OPHN1: variants seen among roughly 807,000 people sequenced by gnomAD.
The protein encoded by OPHN1 is oligophrenin-1.
In OPHN1, 11 loss-of-function variants were observed where a neutral mutation model predicts 60.7. The ratio of observed to expected loss-of-function variants is 0.18; its 90% CI spans 0.11 to 0.30. The LOEUF is 0.30. Ranked by LOEUF, OPHN1 falls within the 10% of genes least tolerant of loss-of-function variation. The probability of loss-of-function intolerance (pLI) is 1.00; values close to 1 mark genes in which losing one functional copy is unlikely to be tolerated. For missense variants in OPHN1, 449 were observed against 611.0 expected (o/e 0.73, Z 2.80); for synonymous variants, 226 against 222.6 (o/e 1.02, Z -0.14).
intron 10 of OPHN1, 29 bp from the exon 11 acceptor site, chrX:68,201,739 T>G (rs766572514): frequency 8.8e-7 from 1 of 1,140,775 alleles, no homozygotes; most frequent in Non-Finnish European, 1.2e-6. Flanking sequence ...TAACAGGCAA[T>G]TTTTAAAAAA....
chrX:68,358,136 A>G (rs1054676424), intron 2 of OPHN1, among the ~76,000 whole-genome samples: 2 of 107,306 alleles, frequency 1.9e-5, no homozygotes, highest in Non-Finnish European at 3.8e-5. Flanking sequence ...ACTAAAAAAA[A>G]AAAAATAATA....
intron 2 of OPHN1, among the ~76,000 whole-genome samples, chrX:68,419,610 G>T (rs1174640821): frequency 3.0e-5 from 3 of 100,520 alleles, no homozygotes; most frequent in Non-Finnish European, 6.0e-5. Flanking sequence ...GTGTGATCAC[G>T]GCTCACTGCA....
intron 15 of OPHN1, among the ~76,000 whole-genome samples, chrX:68,157,874 C>A (rs1448449985): frequency 1.8e-5 from 2 of 112,310 alleles, no homozygotes; most frequent in Non-Finnish European, 3.8e-5. Context: ...AAATATATGA[C>A]AAAATACATT....
intron 15 of OPHN1, among the ~76,000 whole-genome samples, chrX:68,145,020 C>T (rs1465177596): frequency 1.8e-5 from 2 of 111,228 alleles, no homozygotes; most frequent in South Asian, 3.8e-4. Flanking sequence ...TAGGACAGTA[C>T]TGAGGAAAGT....
intron 21 of OPHN1, among the ~76,000 whole-genome samples, chrX:68,057,366 C>A (rs1009175859): frequency 3.5e-4 from 39 of 111,467 alleles, no homozygotes; most frequent in Admixed American, 3.5e-3. Flanking sequence ...TCACTGCACC[C>A]CACAGAGTAG....
At chrX:68,071,640 G>A (rs141802570) in intron 20 of OPHN1, 5,647 of 555,571 alleles carry the variant, frequency 0.01, 27 homozygotes, top group Non-Finnish European at 0.015. Context: ...GCTTAAGACA[G>A]TAGCCTTAAT....
At position 68,098,202 on chromosome X, in the gene OPHN1, C is replaced by T. The variant is rs1299059325; in HGVS notation, c.1527-1173G>A. ...GGAGACCAGAGCCCACTGTGCTCATCTTAACTAAAACCACTGGCAAGCAGA... is the reference window on the plus strand; with the variant it reads ...GGAGACCAGAGCCCACTGTGCTCATTTTAACTAAAACCACTGGCAAGCAGA... On this transcript the variant is annotated intron_variant, in intron 18 of 24. Coordinates refer to ENST00000355520, the MANE Select transcript of OPHN1 (RefSeq NM_002547.3). Among the ~76,000 whole-genome samples, 3 of 111,481 alleles carry T rather than the reference C, an allele frequency of 2.7e-5. No individual in the cohort carries two copies. The Admixed American group carries it at 2.9e-4, about 11-fold the overall frequency.
intron 2 of OPHN1, among the ~76,000 whole-genome samples, chrX:68,407,387 T>G (rs903562752): frequency 9.0e-6 from 1 of 111,400 alleles, no homozygotes; most frequent in African/African-American, 3.3e-5. Context: ...TTTACAGAAT[T>G]GTTCCAAAAC....
chrX:68,412,332 G>T (rs2078773272), intron 2 of OPHN1, among the ~76,000 whole-genome samples: 1 of 111,905 alleles, frequency 8.9e-6, no homozygotes, highest in Non-Finnish European at 1.9e-5. Context: ...TCCTTCAGAT[G>T]AACCTTAAGA....
chrX:68,180,382 C>T (rs186030806), intron 15 of OPHN1, among the ~76,000 whole-genome samples: 39 of 111,082 alleles, frequency 3.5e-4, no homozygotes, highest in Admixed American at 4.8e-4. Context: ...TTATTAAAAT[C>T]GTTATTTTTA....
At chrX:68,405,380 G>A (rs775827624) in intron 2 of OPHN1, among the ~76,000 whole-genome samples, 25 of 111,494 alleles carry the variant, frequency 2.2e-4, no homozygotes, top group African/African-American at 6.8e-4. Flanking sequence ...TTTTAGAGCG[G>A]AGGTCTCACT....
At chrX:68,350,667 C>CCACCA (rs1467852154) in intron 2 of OPHN1, among the ~76,000 whole-genome samples, 1 of 108,001 alleles carries the variant, frequency 9.3e-6, no homozygotes, top group African/African-American at 3.4e-5. Flanking sequence ...CAGGCACATG[C>CCACCA]CACCACACTT....
chrX:68,303,344 TATAAA>T (rs1330703789), intron 2 of OPHN1, among the ~76,000 whole-genome samples: 1 of 111,703 alleles, frequency 9.0e-6, no homozygotes, highest in East Asian at 2.8e-4. Flanking sequence ...TTCATCAATA[TATAAA>T]TGAGTAAAGA....
At chrX:68,383,988 G>A (rs1057104181) in intron 2 of OPHN1, among the ~76,000 whole-genome samples, 2 of 111,272 alleles carry the variant, frequency 1.8e-5, no homozygotes, top group Admixed American at 9.6e-5. Flanking sequence ...CTAAATAAAC[G>A]GAAAGTGGGG....
chrX:68,090,242 C>CTCTGTGTG (rs754996747), intron 19 of OPHN1, among the ~76,000 whole-genome samples: 1 of 98,162 alleles, frequency 1.0e-5, no homozygotes, highest in African/African-American at 3.7e-5. Flanking sequence ...GTGTGTGTGT[C>CTCTGTGTG]TGTGTGTGTG....
intron 5 of OPHN1, among the ~76,000 whole-genome samples, chrX:68,269,895 A>G (rs1228435118): frequency 2.7e-5 from 3 of 112,164 alleles, no homozygotes. Flanking sequence ...TTTACAAGAA[A>G]AAAACAAACA....
intron 15 of OPHN1, among the ~76,000 whole-genome samples, chrX:68,186,364 T>C (rs2077462445): frequency 9.1e-6 from 1 of 110,263 alleles, no homozygotes; most frequent in Non-Finnish European, 1.9e-5. Context: ...GGGATCCTAG[T>C]ATTACCAACA....
chrX:68,432,486 G>T (rs1468163444), intron 2 of OPHN1, among the ~76,000 whole-genome samples: 1 of 111,922 alleles, frequency 8.9e-6, no homozygotes, highest in Admixed American at 9.5e-5. Context: ...TGTTTAGGAG[G>T]TGCTGGGGCA....
intron 2 of OPHN1, among the ~76,000 whole-genome samples, chrX:68,375,608 G>C (rs770259493): frequency 9.0e-6 from 1 of 110,971 alleles, no homozygotes; most frequent in Non-Finnish European, 1.9e-5. Flanking sequence ...TAGATGCAGG[G>C]TCTTCCTCTG....
Sources: allele counts gnomAD v4.1 joint callset (sites outside exome capture counted in the v4.1 genomes callset), GRCh38; gene constraint gnomAD v4.1.1; transcripts MANE v1.5; gene names NCBI Gene and HGNC (gene_info 2026-07-23, HGNC 2026-07-21).